Variants in CBLIF observed in about 807,000 individuals in gnomAD.
CBLIF encodes cobalamin binding intrinsic factor.
CBLIF carries 24 observed loss-of-function variants against 44.9 expected under a neutral mutation model. The ratio of observed to expected loss-of-function variants is 0.53; its 90% CI spans 0.39 to 0.75. The LOEUF (loss-of-function observed/expected upper bound fraction) is 0.75, where lower values mean the gene tolerates loss of function less well. Ranked by LOEUF, CBLIF falls within the 30% of genes least tolerant of loss-of-function variation. The pLI, the probability that CBLIF is intolerant of heterozygous loss-of-function variation, is 0.00. For missense variants in CBLIF, 481 were observed against 513.0 expected, an observed-to-expected ratio of 0.94 and a Z score of 0.60; for synonymous variants, 183 against 190.9, an observed-to-expected ratio of 0.96 and a Z score of 0.34.
chr11:59,832,311 C>T lies in CBLIF; in HGVS notation c.1074-515G>A, dbSNP rs369983465. Reference sequence around the variant, plus strand: ...AATACACAGAGGGGAACAACACACACAGGGGCCTATCAGAGGGTACAGGTT... The same window carrying T: ...AATACACAGAGGGGAACAACACACATAGGGGCCTATCAGAGGGTACAGGTT... On this transcript the variant is annotated intron_variant, in intron 7 of 8. Coordinates refer to ENST00000257248, the MANE Select transcript of CBLIF (RefSeq NM_005142.3). Among the ~76,000 whole-genome samples the T allele has an allele frequency of 2.8e-4, 43 of 152,204 alleles. No individual in the cohort carries two copies. The East Asian group carries it at 2.9e-3, about 10-fold the overall frequency.
chr11:59,844,181 A>C, intron 1 of CBLIF, 126 bp from the exon 2 acceptor site: 1 of 787,722 alleles, frequency 1.3e-6, no homozygotes, highest in South Asian at 1.5e-5. Context: ...CTTGTTGCCC[A>C]GGCTAGAGTG....
chr11:59,837,402 A>G (rs778577320), intron 5 of CBLIF, 51 bp from the exon 6 acceptor site: 1 of 1,371,282 alleles, frequency 7.3e-7, no homozygotes, highest in East Asian at 2.3e-5. Flanking sequence ...CATAGCTGAG[A>G]GTTGGCTCTT....
chr11:59,834,299 T>C lies in CBLIF; in HGVS notation c.1073+1509A>G, dbSNP rs7128179. Reference sequence around the variant, plus strand: ...TTCTTTCTTTCTTTCTTTCTTTCTTTCTTTCTTTCTTTCTTCCTTCCTTCC... The same window carrying C: ...TTCTTTCTTTCTTTCTTTCTTTCTTCCTTTCTTTCTTTCTTCCTTCCTTCC... On this transcript the variant is annotated intron_variant, in intron 7 of 8. Transcript: ENST00000257248. Among the ~76,000 whole-genome samples the C allele has an allele frequency of 9.3e-3, 1,064 of 114,408 alleles. 6 individuals carry two copies. Among genetic ancestry groups the C allele is most frequent in the African/African-American group, 0.022 (558 of 25,394 alleles). The allele number at this position is 114,408 out of a possible 152,430, so 75.1% of individuals were successfully genotyped here.
chr11:59,839,271 G>T (rs1334799851), intron 5 of CBLIF, among the ~76,000 whole-genome samples: 1 of 152,226 alleles, frequency 6.6e-6, no homozygotes, highest in Non-Finnish European at 1.5e-5. Context: ...TTTGGGTAGG[G>T]AAGAGTGTGG....
chr11:59,840,651 G>A (rs1265764637), intron 5 of CBLIF, among the ~76,000 whole-genome samples: 4 of 152,080 alleles, frequency 2.6e-5, no homozygotes, highest in Admixed American at 2.6e-4. Context: ...GTGAGGCTGG[G>A]TCAACTTTAG....
chr11:59,844,678 T>C (rs896527816), intron 1 of CBLIF, among the ~76,000 whole-genome samples: 1 of 152,226 alleles, frequency 6.6e-6, no homozygotes, highest in Non-Finnish European at 1.5e-5. Context: ...CATTCATTTT[T>C]TTCCTTACTC....
chr11:59,840,044 C>T (rs1270135339), intron 5 of CBLIF, among the ~76,000 whole-genome samples: 14 of 151,954 alleles, frequency 9.2e-5, no homozygotes, highest in Admixed American at 9.2e-4. Flanking sequence ...GTCTCCTTGA[C>T]TGTGACATAG....
intron 6 of CBLIF, 103 bp downstream of exon 6, chr11:59,837,071 G>C (rs1174666072): frequency 1.2e-5 from 11 of 906,398 alleles, no homozygotes; most frequent in Non-Finnish European, 1.5e-5. Flanking sequence ...GCCCACATGG[G>C]AATAATGGAC....
intron 7 of CBLIF, among the ~76,000 whole-genome samples, chr11:59,834,244 CTTTCTTTCTTTCTTTCTTTCTT>C (rs1866413737): frequency 2.6e-5 from 2 of 77,734 alleles, no homozygotes; most frequent in Admixed American, 2.7e-4. Context: ...CTTTCTTTTT[CTTTCTTTCTTTCTTTCTTTCTT>C]TCTTTCTTTC....
At chr11:59,843,187 G>T (rs1866560478) in intron 2 of CBLIF, 46 bp from the exon 3 acceptor site, 1 of 1,172,384 alleles carries the variant, frequency 8.5e-7, no homozygotes, top group Non-Finnish European at 1.3e-6. Flanking sequence ...ATCCTCAGGG[G>T]ACAGCTCTCC....
intron 7 of CBLIF, among the ~76,000 whole-genome samples, chr11:59,833,997 G>A (rs1866409077): frequency 6.6e-6 from 1 of 152,154 alleles, no homozygotes; most frequent in South Asian, 2.1e-4. Flanking sequence ...CATGTTATGT[G>A]ATCTTAGGAA....
At chr11:59,837,093 A>C in intron 6 of CBLIF, 81 bp downstream of exon 6, 2 of 1,063,216 alleles carry the variant, frequency 1.9e-6, no homozygotes, top group South Asian at 2.5e-5. Flanking sequence ...TTACAAGCCT[A>C]TATGCCACTT....
At chr11:59,841,013 C>T (rs1379151686) in intron 5 of CBLIF, 130 bp downstream of exon 5, 1 of 782,252 alleles carries the variant, frequency 1.3e-6, no homozygotes, top group Non-Finnish European at 2.3e-6. Flanking sequence ...GGCCCAGGCA[C>T]CACAAAGAAT....
intron 1 of CBLIF, 23 bp downstream of exon 1, chr11:59,845,351 TC>T (rs1157213823): frequency 6.2e-7 from 1 of 1,609,244 alleles, no homozygotes; most frequent in Non-Finnish European, 8.5e-7. Flanking sequence ...TTCCCTGACC[TC>T]CTTGGAAAAA....
chr11:59,839,892 A>T (rs1353103053), intron 5 of CBLIF, among the ~76,000 whole-genome samples: 1 of 139,874 alleles, frequency 7.1e-6, no homozygotes, highest in Non-Finnish European at 1.5e-5. Context: ...AGAGTCACAC[A>T]TAAAAAAAAA....
chr11:59,839,291 C>G (rs1379853749), intron 5 of CBLIF, among the ~76,000 whole-genome samples: 4 of 152,070 alleles, frequency 2.6e-5, no homozygotes, highest in Admixed American at 2.6e-4. Context: ...GCCTGGGCCA[C>G]TGGAAGTGTA....
At position 59,842,580 on chromosome 11, in the gene CBLIF, G is replaced by C. The variant is rs868415065; in HGVS notation, c.374C>G (p.Pro125Arg). The C allele has an allele frequency of 1.2e-5, 19 of 1,613,886 alleles. 1 individual carries two copies. In the Middle Eastern group the frequency reaches 2.7e-3, roughly 226 times the overall value. Residue 125 changes from proline (P) to arginine (R), a missense_variant, in exon 4 of 9, where the codon CCC becomes CGC. Physicochemically the swap from Pro to Arg is moderately radical, Grantham distance 103. Coordinates refer to ENST00000257248, the MANE Select transcript of CBLIF (RefSeq NM_005142.3). Reference sequence around the variant, plus strand: ...ATAGAAGGCTGATGCTTCAGCGTTGGGGCCTCCGAAGGGGATAGAGAACCT... The same window carrying C: ...ATAGAAGGCTGATGCTTCAGCGTTGCGGCCTCCGAAGGGGATAGAGAACCT... ...RQMENWAPSS[P>R]NAEASAFYGP...
chr11:59,844,420 G>T (rs1866580932), intron 1 of CBLIF, among the ~76,000 whole-genome samples: 1 of 152,142 alleles, frequency 6.6e-6, no homozygotes, highest in South Asian at 2.1e-4. Context: ...TTACAGGCGT[G>T]AGCCACCTCG....
rs761351635 is a variant in CBLIF, at chr11:59,835,863, C to A, written c.1018G>T (p.Gly340Trp). Residue 340 changes from glycine to tryptophan, a missense_variant, in exon 7 of 9, where the codon GGG becomes TGG. Transcript: ENST00000257248. ...TCTAGGACAACAAGTAACACTGACC[C>A]ACTTTTCACACTAACATTGATGGTC... is the stretch of plus-strand genomic sequence containing the variant. ...NETINVSVKS[G>W]SVLLVVLEEA... The A allele has an allele frequency of 5.9e-5, 96 of 1,614,002 alleles. No homozygotes were observed. The highest frequency in any genetic ancestry group is 7.9e-5 in the Non-Finnish European group (93 of 1,180,008).
Sources: allele counts gnomAD v4.1 joint callset (sites outside exome capture counted in the v4.1 genomes callset), GRCh38; gene constraint gnomAD v4.1.1; transcripts MANE v1.5; gene names NCBI Gene and HGNC (gene_info 2026-07-23, HGNC 2026-07-21).